Variants in NR6A1 observed in about 807,000 individuals in gnomAD.
NR6A1 encodes retinoic acid receptor-related testis-associated receptor.
A neutral mutation model predicts 59.1 loss-of-function variants in NR6A1; 7 were observed. The ratio of observed to expected loss-of-function variants is 0.12; its 90% CI spans 0.07 to 0.22. The LOEUF (loss-of-function observed/expected upper bound fraction) is 0.22. Ranked by LOEUF, NR6A1 falls within the 10% of genes least tolerant of loss-of-function variation. NR6A1 has a pLI of 1.00. For missense variants in NR6A1, 468 were observed against 611.6 expected (o/e 0.77, Z 2.48); for synonymous variants, 243 against 236.1 (o/e 1.03, Z -0.27).
chr9:124,765,865 T>C (rs1380920132), intron 1 of NR6A1, among the ~76,000 whole-genome samples: 2 of 152,206 alleles, frequency 1.3e-5, no homozygotes, highest in African/African-American at 4.8e-5. Context: ...CAAATGATGC[T>C]CTCCTCTTTT....
intron 2 of NR6A1, among the ~76,000 whole-genome samples, chr9:124,673,797 G>C (rs1200006148): frequency 3.3e-5 from 5 of 152,084 alleles, no homozygotes; most frequent in Admixed American, 3.3e-4. Flanking sequence ...TCTCTATTGT[G>C]AGCGCCTAAA....
intron 3 of NR6A1, among the ~76,000 whole-genome samples, chr9:124,549,172 T>G (rs1833694145): frequency 6.6e-6 from 1 of 152,172 alleles, no homozygotes; most frequent in African/African-American, 2.4e-5. Flanking sequence ...CAGAGAAGGC[T>G]TCTTAGAGGA....
intron 2 of NR6A1, chr9:124,599,586 C>T (rs1250554188): frequency 4.4e-6 from 5 of 1,141,798 alleles, no homozygotes; most frequent in Non-Finnish European, 5.7e-6. Flanking sequence ...GCCATGAGGG[C>T]GCGGCGGCGG....
At chr9:124,744,423 T>C (rs1178838528) in intron 1 of NR6A1, among the ~76,000 whole-genome samples, 7 of 152,200 alleles carry the variant, frequency 4.6e-5, no homozygotes, top group Admixed American at 3.3e-4. Context: ...TTTATAGATC[T>C]AAACAGATCA....
At chr9:124,554,023 C>A (rs1833860247) in intron 3 of NR6A1, among the ~76,000 whole-genome samples, 1 of 152,174 alleles carries the variant, frequency 6.6e-6, no homozygotes, top group African/African-American at 2.4e-5. Context: ...AAAATTTCTA[C>A]TTCTGTCATC....
intron 2 of NR6A1, among the ~76,000 whole-genome samples, chr9:124,561,186 A>G (rs1834075504): frequency 6.6e-6 from 1 of 152,158 alleles, no homozygotes; most frequent in Admixed American, 6.5e-5. Context: ...CTGTGATCCC[A>G]GCACTTTAGG....
Position 124,593,485 on chromosome 9 carries a change from A to G in NR6A1, c.143-38915T>C, listed in dbSNP as rs191520981. Among the ~76,000 whole-genome samples, 188 of 152,348 alleles carry G rather than the reference A, an allele frequency of 1.2e-3. 1 individual carries two copies. The highest frequency in any genetic ancestry group is 2.5e-3 in the Admixed American group (39 of 15,302). ...GATTACTTACTCAATGCTTTGATGC[A>G]TGTGACCAAGACCCAAATGATCACC... On this transcript the variant is annotated intron_variant, in intron 2 of 9. Transcript: ENST00000487099.
chr9:124,765,016 C>T (rs1435946562), intron 1 of NR6A1, among the ~76,000 whole-genome samples: 1 of 152,158 alleles, frequency 6.6e-6, no homozygotes, highest in Non-Finnish European at 1.5e-5. Context: ...GTGGTTTATG[C>T]TTGAATAGCT....
chr9:124,581,401 G>A (rs906863668), intron 2 of NR6A1, among the ~76,000 whole-genome samples: 2 of 152,112 alleles, frequency 1.3e-5, no homozygotes, highest in Non-Finnish European at 2.9e-5. Flanking sequence ...GAGACCATCT[G>A]GCCAACATGG....
At chr9:124,677,939 G>A (rs1299252635) in intron 2 of NR6A1, among the ~76,000 whole-genome samples, 1 of 152,090 alleles carries the variant, frequency 6.6e-6, no homozygotes, top group African/African-American at 2.4e-5. Context: ...CATTTTTAAA[G>A]GGACAGAAGA....
At chr9:124,589,212 T>C (rs4836982) in intron 2 of NR6A1, among the ~76,000 whole-genome samples, 97,643 of 152,080 alleles carry the variant, frequency 0.64, 33,426 homozygotes, top group African/African-American at 0.89. Context: ...TTTGGGTGGC[T>C]GAGGCGGGTG....
chr9:124,528,187 G>C (rs954762214), intron 7 of NR6A1, among the ~76,000 whole-genome samples: 1 of 152,142 alleles, frequency 6.6e-6, no homozygotes, highest in Non-Finnish European at 1.5e-5. Context: ...TGCAGGCTTA[G>C]GCTTCCTGGA....
chr9:124,630,322 T>C (rs911171463), intron 2 of NR6A1, among the ~76,000 whole-genome samples: 1 of 151,366 alleles, frequency 6.6e-6, no homozygotes. Flanking sequence ...TTCAAGTGAT[T>C]ATCCTGTCTC....
chr9:124,631,204 G>A (rs1337596313), intron 2 of NR6A1, among the ~76,000 whole-genome samples: 1 of 152,096 alleles, frequency 6.6e-6, no homozygotes, highest in Non-Finnish European at 1.5e-5. Flanking sequence ...ACCAGCGAGA[G>A]GGAAATGAAG....
At chr9:124,663,448 A>G (rs548780993) in intron 2 of NR6A1, among the ~76,000 whole-genome samples, 2 of 152,304 alleles carry the variant, frequency 1.3e-5, no homozygotes, top group Admixed American at 6.5e-5. Flanking sequence ...CTTATTTACT[A>G]CAGGATCTTG....
chr9:124,677,711 T>A (rs1363461596), intron 2 of NR6A1, among the ~76,000 whole-genome samples: 1 of 152,184 alleles, frequency 6.6e-6, no homozygotes, highest in African/African-American at 2.4e-5. Context: ...GATTCCCTCG[T>A]GACCTTTCTC....
chr9:124,720,837 G>A (rs924988512), intron 2 of NR6A1, among the ~76,000 whole-genome samples: 3 of 152,118 alleles, frequency 2.0e-5, no homozygotes, highest in African/African-American at 7.2e-5. Flanking sequence ...CTTTAATCTA[G>A]GGTATCCCCC....
intron 2 of NR6A1, among the ~76,000 whole-genome samples, chr9:124,624,279 C>T (rs754779167): frequency 6.6e-6 from 1 of 152,158 alleles, no homozygotes; most frequent in East Asian, 1.9e-4. Context: ...GGCAGTTTCC[C>T]GGTACATGGT....
Position 124,762,304 on chromosome 9 carries a change from C to T in NR6A1, c.100+8716G>A, listed in dbSNP as rs1029661403. Among the ~76,000 whole-genome samples the T allele has an allele frequency of 5.5e-4, 84 of 152,088 alleles. 1 individual carries two copies. The highest frequency in any genetic ancestry group is 3.5e-4 in the Non-Finnish European group (24 of 67,986). On this transcript the variant is annotated intron_variant, in intron 1 of 9. Coordinates refer to ENST00000487099, the MANE Select transcript of NR6A1 (RefSeq NM_033334.4). ...AATCCATTTAAATTTAATAAATTCA[C>T]GTTAGTACAAATAACATTTTTATGA...
Sources: allele counts gnomAD v4.1 joint callset (sites outside exome capture counted in the v4.1 genomes callset), GRCh38; gene constraint gnomAD v4.1.1; transcripts MANE v1.5; gene names NCBI Gene and HGNC (gene_info 2026-07-23, HGNC 2026-07-21).